TCF4: variants seen among roughly 807,000 people sequenced by gnomAD.
TCF4 encodes the protein transcription factor 4.
TCF4 carries 3 observed loss-of-function variants against 82.1 expected under a neutral mutation model. That is an observed-to-expected ratio of 0.04 (90% CI 0.02 to 0.09). TCF4 has a LOEUF of 0.09. Among genes scored for constraint, TCF4 ranks in the 10% least tolerant of loss-of-function variants. TCF4 has a pLI of 1.00. For missense variants in TCF4, 518 were observed against 852.7 expected, an observed-to-expected ratio of 0.61 and a Z score of 4.89; for synonymous variants, 276 against 309.6, an observed-to-expected ratio of 0.89 and a Z score of 1.14.
rs570828786 is a variant in TCF4 at position 55,414,373 on chromosome 18, T to C, written c.305-10855A>G. 1.6e-3 allele frequency among the ~76,000 whole-genome samples: 240 copies of C among 151,940 alleles called. 1 individual carries two copies. Among genetic ancestry groups the C allele is most frequent in the African/African-American group, 5.5e-3 (230 of 41,460 alleles). On this transcript the variant is annotated intron_variant, in intron 5 of 19. Transcript: ENST00000354452. Reference sequence around the variant, plus strand: ...ATTTCTGCCCTTCCACAGCTCTAAGTTCTTTGATCACTCCACGGTTGGTTT... The same window carrying C: ...ATTTCTGCCCTTCCACAGCTCTAAGCTCTTTGATCACTCCACGGTTGGTTT...
chr18:55,495,573 C>G (rs1166928285), intron 3 of TCF4: 1 of 152,040 alleles, frequency 6.6e-6, no homozygotes, highest in African/African-American at 2.4e-5. Context: ...CTAAAAATTC[C>G]TGGGCTGCAA....
Position 55,269,929 on chromosome 18 carries a change from G to A in TCF4, c.824C>T (p.Ser275Phe), listed in dbSNP as rs1304271154. Residue 275 changes from serine (S) to phenylalanine (F), a missense_variant, in exon 11 of 20, where the codon TCC becomes TTC. Ser to Phe is a radical substitution (Grantham distance 155). Around this residue, in one of 7 missense-constraint regions of TCF4, gnomAD observed 211 missense variants for 327.4 expected, o/e 0.64. Transcript: ENST00000354452. ...YPSHSSADIN[S>F]SLPPMSTFHR... ...GAAAGTGGACATCGGAGGAAGACTG[G>A]AATTGATGTCTGCTGAGGAGTGTGA... 6.2e-7 allele frequency: 1 copy of A among 1,613,322 alleles called. No homozygotes were observed. The highest frequency in any genetic ancestry group is 1.1e-5 in the South Asian group (1 of 91,068).
intron 2 of TCF4, among the ~76,000 whole-genome samples, chr18:55,596,617 A>G (rs1169148100): frequency 1.3e-5 from 2 of 152,190 alleles, no homozygotes; most frequent in Non-Finnish European, 2.9e-5. Context: ...AGAATCGTGC[A>G]TGTGACAACA....
intron 8 of TCF4, among the ~76,000 whole-genome samples, chr18:55,297,084 T>A (rs2066695055): frequency 1.3e-5 from 2 of 150,516 alleles, no homozygotes; most frequent in Admixed American, 1.3e-4. Context: ...ATGCAAGTCA[T>A]CAGAATGTTG....
chr18:55,547,306 C>A (rs914759966), intron 3 of TCF4, among the ~76,000 whole-genome samples: 3 of 152,190 alleles, frequency 2.0e-5, no homozygotes, highest in Non-Finnish European at 4.4e-5. Context: ...TGACTGGATG[C>A]ATTTTGAAAT....
chr18:55,238,454 G>C (rs2050206539), intron 15 of TCF4, among the ~76,000 whole-genome samples: 2 of 152,204 alleles, frequency 1.3e-5, no homozygotes, highest in African/African-American at 4.8e-5. Flanking sequence ...AGACACTGGG[G>C]ATAGAATGAG....
chr18:55,432,207 G>A (rs1462984160), intron 5 of TCF4, among the ~76,000 whole-genome samples: 2 of 152,180 alleles, frequency 1.3e-5, no homozygotes, highest in Non-Finnish European at 2.9e-5. Context: ...GGTGGCTGAG[G>A]CAGCAGAATC....
chr18:55,622,760 AT>A (rs1221496432), intron 2 of TCF4, among the ~76,000 whole-genome samples: 8 of 152,030 alleles, frequency 5.3e-5, no homozygotes, highest in Non-Finnish European at 8.8e-5. Flanking sequence ...TCTCTTTCTC[AT>A]TCTCTAGGCC....
At chr18:55,430,034 T>A (rs973096074) in intron 5 of TCF4, among the ~76,000 whole-genome samples, 2 of 152,164 alleles carry the variant, frequency 1.3e-5, no homozygotes, top group Non-Finnish European at 2.9e-5. Context: ...AAACTAGACA[T>A]GTTGATGTTA....
chr18:55,471,255 T>C (rs531204275), intron 3 of TCF4, among the ~76,000 whole-genome samples: 24 of 152,282 alleles, frequency 1.6e-4, no homozygotes, highest in African/African-American at 5.5e-4. Context: ...CACACAAGCA[T>C]GATTGTTTCT....
intron 2 of TCF4, chr18:55,586,276 T>C (rs2097650471): frequency 1.1e-6 from 1 of 883,690 alleles, no homozygotes; most frequent in Non-Finnish European, 1.7e-6. Context: ...TTTGTGTGTT[T>C]TGTGGATTCT....
chr18:55,538,879 C>A (rs2097141574), intron 3 of TCF4, among the ~76,000 whole-genome samples: 1 of 152,058 alleles, frequency 6.6e-6, no homozygotes, highest in Admixed American at 6.6e-5. Context: ...TCTCCAGGTT[C>A]ACGAGTCCAT....
chr18:55,492,485 T>C (rs1324459438), intron 3 of TCF4, among the ~76,000 whole-genome samples: 1 of 152,232 alleles, frequency 6.6e-6, no homozygotes, highest in African/African-American at 2.4e-5. Flanking sequence ...AACTTCTTTC[T>C]TCCTTACAGA....
intron 5 of TCF4, among the ~76,000 whole-genome samples, chr18:55,422,741 T>C (rs889808915): frequency 6.6e-6 from 1 of 152,148 alleles, no homozygotes; most frequent in Non-Finnish European, 1.5e-5. Context: ...GACATGAATT[T>C]TCATTAATTA....
At chr18:55,578,631 CAT>C (rs1422587154) in intron 3 of TCF4, among the ~76,000 whole-genome samples, 2 of 152,024 alleles carry the variant, frequency 1.3e-5, no homozygotes, top group African/African-American at 4.8e-5. Flanking sequence ...CATTCTGGCA[CAT>C]GAGAATTTAT....
intron 11 of TCF4, among the ~76,000 whole-genome samples, chr18:55,263,504 G>C (rs2058476750): frequency 6.6e-6 from 1 of 152,136 alleles, no homozygotes; most frequent in South Asian, 2.1e-4. Flanking sequence ...GCCTGGCTAA[G>C]GCAGGAGAAT....
At chr18:55,585,895 A>G (rs1260783430) in intron 2 of TCF4, 2 of 1,217,856 alleles carry the variant, frequency 1.6e-6, no homozygotes, top group Non-Finnish European at 2.1e-6. Flanking sequence ...TCTCTCTTTC[A>G]CTCCCTCTCT....
chr18:55,255,858 T>G (rs2056673507), intron 14 of TCF4, among the ~76,000 whole-genome samples: 1 of 152,208 alleles, frequency 6.6e-6, no homozygotes, highest in African/African-American at 2.4e-5. Flanking sequence ...TGATTTTGAA[T>G]CGGCTGTGCA....
chr18:55,237,300 G>A (rs1335866592), intron 15 of TCF4, among the ~76,000 whole-genome samples: 1 of 151,976 alleles, frequency 6.6e-6, no homozygotes, highest in East Asian at 1.9e-4. Context: ...TACAATGACT[G>A]TAAACTCTTA....
Sources: gnomAD v4.1 joint callset for allele counts (sites outside exome capture counted in the v4.1 genomes callset) on GRCh38, gnomAD v4.1.1 for gene constraint, gnomAD v4.1.1 regional missense constraint, MANE v1.5 for transcripts, NCBI Gene and HGNC (gene_info 2026-07-23, HGNC 2026-07-21) for gene names.